The following ARHGEF33 variants were observed in gnomAD, a reference collection of about 807,000 sequenced individuals.
The protein encoded by ARHGEF33 is DH and coiled-coil domain-containing protein ENSP00000381780.
Under a neutral mutation model 101.9 loss-of-function variants are expected in ARHGEF33, and 72 were observed. That is an observed-to-expected ratio of 0.71 (90% CI 0.58 to 0.86). The LOEUF is 0.86. ARHGEF33 is among the 40% of genes least tolerant of loss of function. The pLI, the probability that ARHGEF33 is intolerant of heterozygous loss-of-function variation, is 0.00. For missense variants in ARHGEF33, 1,169 were observed against 1,111.3 expected, an observed-to-expected ratio of 1.05 and a Z score of -0.74; for synonymous variants, 499 against 442.5, an observed-to-expected ratio of 1.13 and a Z score of -1.60.
chr2:38,929,159 G>C, intron 5 of ARHGEF33, 88 bp downstream of exon 5: 1 of 998,794 alleles, frequency 1.0e-6, no homozygotes, highest in South Asian at 1.7e-5. Context: ...GGCTGGGCGT[G>C]GTGGCTCACG....
intron 3 of ARHGEF33, among the ~76,000 whole-genome samples, chr2:38,920,018 C>T (rs189524684): frequency 2.6e-5 from 4 of 152,300 alleles, no homozygotes; most frequent in African/African-American, 7.2e-5. Context: ...CAAGCTTATG[C>T]AGGAAGTTTG....
chr2:38,910,997 A>G (rs1028553294), intron 2 of ARHGEF33, among the ~76,000 whole-genome samples: 5 of 152,224 alleles, frequency 3.3e-5, no homozygotes, highest in East Asian at 1.9e-4. Context: ...TTCCTTGGGT[A>G]TAAAATGAAT....
At chr2:38,947,872 TG>T (rs1667491572) in intron 10 of ARHGEF33, among the ~76,000 whole-genome samples, 1 of 152,070 alleles carries the variant, frequency 6.6e-6, no homozygotes, top group Non-Finnish European at 1.5e-5. Flanking sequence ...CCATCCAGGG[TG>T]GCGGGAACCT....
rs371167556 is a variant in ARHGEF33, at chr2:38,935,845, C to G, written c.565+11C>G. 143 of 1,544,790 alleles carry G rather than the reference C, an allele frequency of 9.3e-5. No individual in the cohort carries two copies. In the African/African-American group the frequency reaches 1.6e-3, roughly 17 times the overall value. ...GAATGATGGGTCCTGGTAAGTGACTCTTCTCTTAGTTTTCTTTTCTTCCAG... is the reference window on the plus strand; with the variant it reads ...GAATGATGGGTCCTGGTAAGTGACTGTTCTCTTAGTTTTCTTTTCTTCCAG... On this transcript the variant is annotated intron_variant, in intron 8 of 17. Coordinates refer to ENST00000409978, the MANE Select transcript of ARHGEF33 (RefSeq NM_001145451.5).
intron 8 of ARHGEF33, chr2:38,936,809 C>G (rs1316383646): frequency 1.3e-5 from 2 of 151,560 alleles, no homozygotes; most frequent in Non-Finnish European, 2.9e-5. Context: ...AACCTCAGCT[C>G]TACTAAAAAT....
chr2:38,895,839 CAGGGCACG>C lies in ARHGEF33; in HGVS notation c.-92_-86+1del, dbSNP rs568533903. 14 of 151,126 alleles carry C rather than the reference CAGGGCACG, an allele frequency of 9.3e-5. No individual in the cohort carries two copies. The East Asian group carries it at 2.7e-3, about 29-fold the overall frequency. The allele number at this position is 151,126 out of a possible 1,614,324, so 9.4% of individuals were successfully genotyped here. A position where few individuals can be genotyped will look rare whatever the true frequency, so the allele number is the denominator to read the frequency against. ...ATGCTGTGATGTCTCCCAGTGGAGA[CAGGGCACG>C]AGGTGAGTGAAAATTGCAAAGAACT... is the stretch of plus-strand genomic sequence containing the variant. On this transcript the variant is annotated splice_region_variant and 5_prime_UTR_variant, in exon 2 of 18. An upstream open reading frame in the 5' UTR gains an earlier in-frame stop. Transcript: ENST00000409978.
intron 1 of ARHGEF33, among the ~76,000 whole-genome samples, chr2:38,893,316 C>T (rs973784019): frequency 6.6e-6 from 1 of 152,086 alleles, no homozygotes; most frequent in African/African-American, 2.4e-5. Context: ...GCACCCGCCA[C>T]CATGGGCTAA....
At chr2:38,942,005 ATTTTT>A (rs70954774) in intron 9 of ARHGEF33, among the ~76,000 whole-genome samples, 1 of 148,010 alleles carries the variant, frequency 6.8e-6, no homozygotes. Context: ...ATGTCTTGGG[ATTTTT>A]TTTTTTTTTG....
chr2:38,967,481 G>C (rs568705000), intron 17 of ARHGEF33, among the ~76,000 whole-genome samples: 89 of 152,310 alleles, frequency 5.8e-4, no homozygotes, highest in African/African-American at 1.9e-3. Context: ...GGATCATATA[G>C]ACTTAGATCT....
intron 14 of ARHGEF33, 30 bp downstream of exon 14, chr2:38,957,077 T>C (rs953832607): frequency 1.3e-6 from 2 of 1,550,510 alleles, no homozygotes; most frequent in Middle Eastern, 1.7e-4. Flanking sequence ...GTCTAGAGGG[T>C]CGAAGACCAG....
At chr2:38,901,142 TTTTATTTA>T (rs766775785) in intron 2 of ARHGEF33, among the ~76,000 whole-genome samples, 1 of 152,136 alleles carries the variant, frequency 6.6e-6, no homozygotes, top group African/African-American at 2.4e-5. Context: ...ATTTCTTTCT[TTTTATTTA>T]TTTATTTATT....
chr2:38,943,853 T>A, intron 9 of ARHGEF33, 48 bp from the exon 10 acceptor site: 1 of 1,529,542 alleles, frequency 6.5e-7, no homozygotes, highest in South Asian at 1.3e-5. Flanking sequence ...TAATGGGATT[T>A]TAGGAAGAAA....
In ARHGEF33 at chr2:38,951,139, C is replaced by A. The variant is rs758493918; in HGVS notation, c.1053+18C>A. ...ATGACGAGGTAAGGTTTTTTCTGCCCCTCTATACATTTTACTTATACGGAT... is the reference window on the plus strand; with the variant it reads ...ATGACGAGGTAAGGTTTTTTCTGCCACTCTATACATTTTACTTATACGGAT... On this transcript the variant is annotated intron_variant, in intron 11 of 17. Transcript: ENST00000409978. 5.2e-6 allele frequency: 8 copies of A among 1,549,730 alleles called. No homozygotes were observed. Among genetic ancestry groups the A allele is most frequent in the Non-Finnish European group, 7.0e-6 (8 of 1,146,004 alleles).
chr2:38,943,002 A>C (rs1667351872), intron 9 of ARHGEF33, among the ~76,000 whole-genome samples: 1 of 152,196 alleles, frequency 6.6e-6, no homozygotes, highest in Admixed American at 6.5e-5. Flanking sequence ...ATCTCAGCTC[A>C]CTGCAACCTC....
chr2:38,943,541 A>G (rs980283038), intron 9 of ARHGEF33, among the ~76,000 whole-genome samples: 5 of 35,296 alleles, frequency 1.4e-4, no homozygotes, highest in Admixed American at 3.4e-4. Context: ...GCCATCTGGT[A>G]TGGGGGGTGA....
chr2:38,917,170 C>G (rs901004767), intron 2 of ARHGEF33, among the ~76,000 whole-genome samples: 4 of 145,796 alleles, frequency 2.7e-5, no homozygotes, highest in African/African-American at 1.0e-4. Context: ...CAGCTCACTG[C>G]AACCTCTGCG....
Position 38,937,455 on chromosome 2 carries a change from G to A in ARHGEF33, c.686G>A (p.Trp229Ter), listed in dbSNP as rs1168932187. The A allele has an allele frequency of 6.5e-7, 1 of 1,550,174 alleles. No homozygotes were observed. The highest frequency in any genetic ancestry group is 8.7e-7 in the Non-Finnish European group (1 of 1,145,878). ...MWRQPKDGKE[W>*]GEEYVTKDHP... Reference sequence around the variant, plus strand: ...AGGCAGCCTAAGGATGGTAAAGAATGGGGTGAAGAATACGTCACAAAAGAC... The same window carrying A: ...AGGCAGCCTAAGGATGGTAAAGAATAGGGTGAAGAATACGTCACAAAAGAC... Residue 229 changes from tryptophan (W) to a stop codon, truncating the protein, a stop_gained, in exon 9 of 18, where the codon TGG becomes TAG. Transcript: ENST00000409978. LOFTEE classifies it high-confidence loss of function.
chr2:38,967,128 TG>T (rs1668066632), intron 17 of ARHGEF33, among the ~76,000 whole-genome samples: 1 of 152,256 alleles, frequency 6.6e-6, no homozygotes, highest in South Asian at 2.1e-4. Flanking sequence ...ACCTTTTCCT[TG>T]AAGGTCGAGG....
chr2:38,901,743 A>G (rs976981019), intron 2 of ARHGEF33, among the ~76,000 whole-genome samples: 2 of 152,208 alleles, frequency 1.3e-5, no homozygotes, highest in Non-Finnish European at 2.9e-5. Context: ...TCAATCAGCT[A>G]TTTAAATCAT....
Sources: allele counts gnomAD v4.1 joint callset (sites outside exome capture counted in the v4.1 genomes callset), GRCh38; gene constraint gnomAD v4.1.1; transcripts MANE v1.5; gene names NCBI Gene and HGNC (gene_info 2026-07-23, HGNC 2026-07-21).